Variants in MTMR14 observed in about 807,000 individuals in gnomAD.
MTMR14 encodes phosphatidylinositol-3,5-bisphosphate 3-phosphatase MTMR14.
MTMR14 carries 48 observed loss-of-function variants against 86.3 expected under a neutral mutation model. The ratio of observed to expected loss-of-function variants is 0.56; its 90% CI spans 0.44 to 0.71. The LOEUF is 0.71. MTMR14 is among the 30% of genes least tolerant of loss of function. The pLI is 0.00. For missense variants in MTMR14, 780 were observed against 834.6 expected (o/e 0.93, Z 0.81); for synonymous variants, 366 against 326.1 (o/e 1.12, Z -1.32).
intron 9 of MTMR14, among the ~76,000 whole-genome samples, chr3:9,678,938 A>C (rs2075669631): frequency 6.6e-6 from 1 of 152,216 alleles, no homozygotes; most frequent in African/African-American, 2.4e-5. Context: ...TGAGCCAGTG[A>C]GCAACAGAAA....
At chr3:9,650,726 C>G (rs139097101) in intron 1 of MTMR14, among the ~76,000 whole-genome samples, 2 of 151,630 alleles carry the variant, frequency 1.3e-5, no homozygotes, top group East Asian at 3.9e-4. Flanking sequence ...AACAGAGATT[C>G]CTTAGTCCCA....
chr3:9,685,543 C>T (rs1003644366), intron 13 of MTMR14, among the ~76,000 whole-genome samples: 5 of 152,178 alleles, frequency 3.3e-5, no homozygotes, highest in African/African-American at 1.2e-4. Flanking sequence ...CACTTGTTCT[C>T]TCTGCTCAGC....
chr3:9,693,408 G>A (rs967021244), intron 17 of MTMR14, among the ~76,000 whole-genome samples: 7 of 152,228 alleles, frequency 4.6e-5, no homozygotes, highest in Non-Finnish European at 1.0e-4. Context: ...TACACATGCA[G>A]TTGAAATCTG....
At chr3:9,663,010 C>G (rs2048028233) in intron 3 of MTMR14, among the ~76,000 whole-genome samples, 1 of 152,128 alleles carries the variant, frequency 6.6e-6, no homozygotes, top group African/African-American at 2.4e-5. Flanking sequence ...GTAGAGGGTA[C>G]ACATCAGGGC....
intron 2 of MTMR14, 88 bp from the exon 3 acceptor site, chr3:9,662,179 T>G (rs1437513679): frequency 5.6e-6 from 5 of 893,880 alleles, no homozygotes; most frequent in Admixed American, 3.6e-5. Flanking sequence ...TACACAGATC[T>G]AGTATGGGGG....
intron 9 of MTMR14, among the ~76,000 whole-genome samples, chr3:9,680,515 A>T (rs557587518): frequency 1.3e-5 from 2 of 152,238 alleles, no homozygotes; most frequent in African/African-American, 4.8e-5. Context: ...AGCTCCATGC[A>T]GTCTGGTCTT....
At chr3:9,700,899 C>T (rs193074834) in intron 18 of MTMR14, 1 of 151,828 alleles carries the variant, frequency 6.6e-6, no homozygotes, top group Admixed American at 6.6e-5. Context: ...CTCACTGTGA[C>T]CTCTGCCTCC....
Position 9,668,708 on chromosome 3 carries a change from T to C in MTMR14, c.418-11T>C, listed in dbSNP as rs1376280815. On this transcript the variant is annotated splice_polypyrimidine_tract_variant and intron_variant, in intron 3 of 18. Transcript: ENST00000296003. The stretch of plus-strand genomic sequence containing the variant: ...AACCATCTGACCGTGAAAATGATGT[T>C]TCTCTCCCAGCACATTTGCAGGTCG... 6.2e-7 allele frequency: 1 copy of C among 1,614,114 alleles called. No individual in the cohort carries two copies. The highest frequency in any genetic ancestry group is 8.5e-7 in the Non-Finnish European group (1 of 1,179,956).
At chr3:9,687,210 T>A (rs2075987406) in intron 13 of MTMR14, among the ~76,000 whole-genome samples, 1 of 152,282 alleles carries the variant, frequency 6.6e-6, no homozygotes, top group African/African-American at 2.4e-5. Context: ...TTTCACTTTA[T>A]CCTTTTTAAC....
intron 3 of MTMR14, among the ~76,000 whole-genome samples, chr3:9,665,327 T>C (rs1404901228): frequency 6.7e-6 from 1 of 148,798 alleles, no homozygotes; most frequent in Non-Finnish European, 1.5e-5. Context: ...AGTAAATACA[T>C]GTACCCACAA....
At chr3:9,685,366 GC>G (rs1287183513) in intron 13 of MTMR14, 119 bp downstream of exon 13, 8 of 1,259,030 alleles carry the variant, frequency 6.4e-6, no homozygotes, top group Admixed American at 5.3e-5. Context: ...CAGGGATGTG[GC>G]CCCCTGTCAT....
rs998281532 is a variant in MTMR14, at chr3:9,662,800, C to T, written c.417+425C>T. On this transcript the variant is annotated intron_variant, in intron 3 of 18. Transcript: ENST00000296003. ...TTTATTGTATATTATGTGCCAGACA[C>T]TGCTTCAGGCCTTAAAATACATCAC... Among the ~76,000 whole-genome samples, 135 of 152,190 alleles carry T rather than the reference C, an allele frequency of 8.9e-4. 1 individual carries two copies. The highest frequency in any genetic ancestry group is 3.2e-4 in the Non-Finnish European group (22 of 68,032).
intron 2 of MTMR14, among the ~76,000 whole-genome samples, chr3:9,656,765 G>C (rs1173987047): frequency 1.3e-5 from 2 of 152,046 alleles, no homozygotes; most frequent in Non-Finnish European, 2.9e-5. Context: ...TTCTGAACAA[G>C]AGGGTTTTGT....
intron 14 of MTMR14, among the ~76,000 whole-genome samples, chr3:9,688,284 T>A (rs565494121): frequency 6.6e-6 from 1 of 152,332 alleles, no homozygotes; most frequent in South Asian, 2.1e-4. Context: ...GGCTGAACAC[T>A]GCAGCCCCCT....
chr3:9,659,157 C>A (rs912052137), intron 2 of MTMR14, among the ~76,000 whole-genome samples: 1 of 152,118 alleles, frequency 6.6e-6, no homozygotes, highest in East Asian at 1.9e-4. Context: ...ATCACCTGAG[C>A]CCAGGAGGTC....
intron 2 of MTMR14, among the ~76,000 whole-genome samples, chr3:9,654,328 G>A (rs748999217): frequency 6.6e-6 from 1 of 152,188 alleles, no homozygotes; most frequent in Non-Finnish European, 1.5e-5. Flanking sequence ...AAGTGGTAGT[G>A]CAGTCCAGAT....
intron 2 of MTMR14, among the ~76,000 whole-genome samples, chr3:9,660,978 A>C (rs905351711): frequency 1.1e-4 from 17 of 152,162 alleles, no homozygotes; most frequent in Non-Finnish European, 2.4e-4. Flanking sequence ...CCCTTATTTT[A>C]GGGAAGCGTG....
At chr3:9,651,992 C>T (rs902084402) in intron 1 of MTMR14, among the ~76,000 whole-genome samples, 6 of 151,914 alleles carry the variant, frequency 3.9e-5, no homozygotes, top group African/African-American at 1.5e-4. Context: ...CCACCATGCC[C>T]AGCTAATTTT....
At position 9,683,427 on chromosome 3, in the gene MTMR14, A is replaced by G. The variant is rs542209323; in HGVS notation, c.964+183A>G. 4 of 625,138 alleles carry G rather than the reference A, an allele frequency of 6.4e-6. No individual in the cohort carries two copies. The Admixed American group carries it at 1.1e-4, about 18-fold the overall frequency. The allele number at this position is 625,138 out of a possible 1,614,324, so 38.7% of individuals were successfully genotyped here. A position where few individuals can be genotyped will look rare whatever the true frequency, so the allele number is the denominator to read the frequency against. On this transcript the variant is annotated intron_variant, in intron 10 of 18. Coordinates refer to ENST00000296003, the MANE Select transcript of MTMR14 (RefSeq NM_001077525.3). ...ATTTGTCCATTGGTGGCTTTATTCC[A>G]TGTCCTCAAAATCCTAGAAAACAAA...
Sources: gnomAD v4.1 joint callset for allele counts (sites outside exome capture counted in the v4.1 genomes callset) on GRCh38, gnomAD v4.1.1 for gene constraint, MANE v1.5 for transcripts, NCBI Gene and HGNC (gene_info 2026-07-23, HGNC 2026-07-21) for gene names.